PRKG1: variants seen among roughly 807,000 people sequenced by gnomAD.
PRKG1 encodes the protein protein kinase cGMP-dependent 1, also known as cGMP-dependent protein kinase 1.
Under a neutral mutation model 88.1 loss-of-function variants are expected in PRKG1, and 35 were observed. The ratio of observed to expected loss-of-function variants is 0.40; its 90% confidence interval spans 0.30 to 0.53. PRKG1 has a LOEUF of 0.53. Ranked by LOEUF, PRKG1 falls within the 20% of genes least tolerant of loss-of-function variation. PRKG1 has a pLI of 0.59. For synonymous variants in PRKG1, 303 were observed against 292.5 expected (o/e 1.04, Z -0.37); for missense variants, 540 against 839.8 (o/e 0.64, Z 4.41).
At chr10:52,120,083 AAGAC>A (rs1847784776) in intron 7 of PRKG1, among the ~76,000 whole-genome samples, 1 of 151,786 alleles carries the variant, frequency 6.6e-6, no homozygotes, top group Non-Finnish European at 1.5e-5. Flanking sequence ...GAGAGAGACA[AAGAC>A]AGAGAGAGAG....
At chr10:51,184,371 A>C (rs1837428156) in intron 2 of PRKG1, among the ~76,000 whole-genome samples, 1 of 152,352 alleles carries the variant, frequency 6.6e-6, no homozygotes, top group East Asian at 1.9e-4. Context: ...GATTTGAGAA[A>C]TTTTAACCTC....
At chr10:51,603,776 C>T (rs868698613) in intron 3 of PRKG1, among the ~76,000 whole-genome samples, 3 of 152,072 alleles carry the variant, frequency 2.0e-5, no homozygotes, top group African/African-American at 7.2e-5. Flanking sequence ...CAGACTGTGA[C>T]CAGGTAAGGT....
At chr10:51,129,034 CTG>C (rs919852350) in intron 1 of PRKG1, among the ~76,000 whole-genome samples, 176 of 152,260 alleles carry the variant, frequency 1.2e-3, no homozygotes, top group Non-Finnish European at 1.9e-3. Context: ...AATACGGTCT[CTG>C]TAAATTTTTC....
chr10:51,399,458 TC>T (rs1260798860), intron 2 of PRKG1, among the ~76,000 whole-genome samples: 1 of 152,060 alleles, frequency 6.6e-6, no homozygotes, highest in African/African-American at 2.4e-5. Flanking sequence ...AATAAATGCA[TC>T]CACAAGCACA....
chr10:52,017,823 C>A lies in PRKG1; in HGVS notation c.763-36661C>A, dbSNP rs149550123. Among the ~76,000 whole-genome samples the A allele has an allele frequency of 1.4e-4, 22 of 152,204 alleles. No homozygotes were observed. The East Asian group carries it at 4.3e-3, about 29-fold the overall frequency. On this transcript the variant is annotated intron_variant, in intron 5 of 17. Coordinates refer to ENST00000373980, the MANE Select transcript of PRKG1 (RefSeq NM_006258.4). ...CACAATTTCAGGAAACTTTACAAGA[C>A]CCCTGTTGTAATTTATCTTTTTCCA...
intron 3 of PRKG1, among the ~76,000 whole-genome samples, chr10:51,759,859 G>T (rs1338368050): frequency 6.6e-6 from 1 of 152,118 alleles, no homozygotes; most frequent in East Asian, 1.9e-4. Context: ...TGAATATATT[G>T]TAAACATCTT....
At chr10:51,322,936 G>C (rs1841493422) in intron 2 of PRKG1, among the ~76,000 whole-genome samples, 1 of 152,130 alleles carries the variant, frequency 6.6e-6, no homozygotes, top group Admixed American at 6.5e-5. Flanking sequence ...TTATTGAGCA[G>C]TTACAATATG....
At chr10:52,234,490 A>G (rs1317775208) in intron 9 of PRKG1, among the ~76,000 whole-genome samples, 1 of 151,354 alleles carries the variant, frequency 6.6e-6, no homozygotes, top group Non-Finnish European at 1.5e-5. Flanking sequence ...GGAGCTGAAA[A>G]CCAAGGCTCG....
At chr10:51,095,516 T>C in intron 1 of PRKG1, among the ~76,000 whole-genome samples, 1 of 152,148 alleles carries the variant, frequency 6.6e-6, no homozygotes, top group East Asian at 1.9e-4. Flanking sequence ...CATTTAAAAT[T>C]AATAGCCCCA....
At chr10:51,200,662 C>T (rs1352951642) in intron 2 of PRKG1, among the ~76,000 whole-genome samples, 3 of 152,144 alleles carry the variant, frequency 2.0e-5, no homozygotes, top group Non-Finnish European at 4.4e-5. Context: ...TGAATTATTG[C>T]AAGTATAAAT....
chr10:52,002,656 G>A (rs1332632626), intron 5 of PRKG1, among the ~76,000 whole-genome samples: 5 of 151,982 alleles, frequency 3.3e-5, no homozygotes, highest in Admixed American at 6.6e-5. Flanking sequence ...TCTTTTCTTT[G>A]GGTTTCACAG....
chr10:51,945,311 G>A lies in PRKG1; in HGVS notation c.762+37741G>A, dbSNP rs578117200. On this transcript the variant is annotated intron_variant, in intron 5 of 17. Transcript: ENST00000373980. ...TTTTTTGTTTTCCATTTGCTTGGTA[G>A]ATCTTCCTCCATCCTTTTATTTTGA... Among the ~76,000 whole-genome samples the A allele has an allele frequency of 6.3e-3, 948 of 151,406 alleles. 15 individuals carry two copies. The highest frequency in any genetic ancestry group is 0.022 in the African/African-American group (892 of 41,046).
At chr10:52,036,655 A>G (rs968224508) in intron 5 of PRKG1, among the ~76,000 whole-genome samples, 1 of 152,038 alleles carries the variant, frequency 6.6e-6, no homozygotes, top group South Asian at 2.1e-4. Flanking sequence ...GAGGCTTTGG[A>G]TTGGGAAGAA....
At chr10:51,183,265 C>G (rs1736671180) in intron 2 of PRKG1, among the ~76,000 whole-genome samples, 1 of 152,138 alleles carries the variant, frequency 6.6e-6, no homozygotes, top group Non-Finnish European at 1.5e-5. Context: ...TGTGGGAAAG[C>G]ATAGATAAAC....
intron 2 of PRKG1, among the ~76,000 whole-genome samples, chr10:51,323,912 G>A (rs1202107201): frequency 6.6e-6 from 1 of 152,114 alleles, no homozygotes; most frequent in South Asian, 2.1e-4. Context: ...TAAGCACATC[G>A]CTGAACTCCA....
chr10:51,409,838 G>T (rs540229741), intron 2 of PRKG1, among the ~76,000 whole-genome samples: 1 of 114,628 alleles, frequency 8.7e-6, no homozygotes, highest in African/African-American at 3.4e-5. Context: ...TGGCAACAGA[G>T]AGAGACTCTG....
intron 1 of PRKG1, among the ~76,000 whole-genome samples, chr10:51,130,077 G>T (rs916814894): frequency 6.6e-6 from 1 of 152,136 alleles, no homozygotes; most frequent in Non-Finnish European, 1.5e-5. Flanking sequence ...TACAGGAAAC[G>T]ACTGGAAAAC....
chr10:51,507,287 A>T (rs1841247443), intron 3 of PRKG1, among the ~76,000 whole-genome samples: 3 of 147,704 alleles, frequency 2.0e-5, no homozygotes, highest in African/African-American at 7.4e-5. Flanking sequence ...TGTACCCTAA[A>T]ACTTAAAGTA....
intron 2 of PRKG1, among the ~76,000 whole-genome samples, chr10:51,418,851 A>G (rs1838322820): frequency 6.6e-6 from 1 of 152,198 alleles, no homozygotes; most frequent in Non-Finnish European, 1.5e-5. Context: ...ATCAAGATTC[A>G]TTAACACCAC....
Sources: gnomAD v4.1 joint callset for allele counts (sites outside exome capture counted in the v4.1 genomes callset) on GRCh38, gnomAD v4.1.1 for gene constraint, MANE v1.5 for transcripts, NCBI Gene and HGNC (gene_info 2026-07-23, HGNC 2026-07-21) for gene names.